Variants in CACNB2 observed in about 807,000 individuals in gnomAD.
The protein encoded by CACNB2 is calcium voltage-gated channel auxiliary subunit beta 2.
In CACNB2, 42 loss-of-function variants were observed where a neutral mutation model predicts 73.3. The observed-to-expected ratio is 0.57, with a 90% CI of 0.45 to 0.74. CACNB2 has a LOEUF of 0.74. CACNB2 is among the 30% of genes least tolerant of loss of function. The pLI, the probability that CACNB2 is intolerant of heterozygous loss-of-function variation, is 0.00. For synonymous variants in CACNB2, 348 were observed against 310.3 expected (o/e 1.12, Z -1.28); for missense variants, 940 against 853.0 (o/e 1.10, Z -1.27).
At chr10:18,489,700 G>A (rs16917390) in intron 3 of CACNB2, among the ~76,000 whole-genome samples, 6,305 of 152,240 alleles carry the variant, frequency 0.041, 423 homozygotes, top group African/African-American at 0.14. Context: ...CCGACATTCC[G>A]AAAGTGGTAG....
At chr10:18,280,960 G>T (rs1373236135) in intron 2 of CACNB2, among the ~76,000 whole-genome samples, 2 of 152,100 alleles carry the variant, frequency 1.3e-5, no homozygotes, top group Non-Finnish European at 2.9e-5. Flanking sequence ...CAAGGTAGGG[G>T]ATCACTAACG....
chr10:18,190,925 G>A (rs1030914836), intron 2 of CACNB2, among the ~76,000 whole-genome samples: 2 of 152,226 alleles, frequency 1.3e-5, no homozygotes, highest in Non-Finnish European at 2.9e-5. Flanking sequence ...AACTAGAAAA[G>A]GGTTTTAAGC....
intron 2 of CACNB2, chr10:18,260,586 C>T (rs535920070): frequency 1.0e-6 from 1 of 986,044 alleles, no homozygotes; most frequent in Non-Finnish European, 1.2e-6. Context: ...TTTCTGTAGT[C>T]CTAGGAATCC....
intron 2 of CACNB2, among the ~76,000 whole-genome samples, chr10:18,302,808 CT>C (rs757346852): frequency 5.9e-5 from 9 of 152,130 alleles, no homozygotes; most frequent in Non-Finnish European, 7.3e-5. Flanking sequence ...ACTAAAGAAA[CT>C]TACTCATGTA....
chr10:18,268,375 G>A (rs1264011508), intron 2 of CACNB2, among the ~76,000 whole-genome samples: 1 of 152,176 alleles, frequency 6.6e-6, no homozygotes, highest in East Asian at 1.9e-4. Flanking sequence ...GACATAACAG[G>A]ATTATCTGAC....
intron 3 of CACNB2, among the ~76,000 whole-genome samples, chr10:18,473,664 C>T (rs1044051427): frequency 3.3e-5 from 5 of 152,196 alleles, no homozygotes; most frequent in African/African-American, 9.6e-5. Context: ...AAATGCGTGC[C>T]TTCTCTTATC....
At chr10:18,219,445 T>C (rs2035640442) in intron 2 of CACNB2, among the ~76,000 whole-genome samples, 1 of 152,306 alleles carries the variant, frequency 6.6e-6, no homozygotes, top group African/African-American at 2.4e-5. Flanking sequence ...AGACTAAATA[T>C]TGTTAATTTT....
chr10:18,177,075 G>A (rs895049864), intron 2 of CACNB2, among the ~76,000 whole-genome samples: 1 of 152,042 alleles, frequency 6.6e-6, no homozygotes, highest in Non-Finnish European at 1.5e-5. Flanking sequence ...CTAAGGCTGG[G>A]GTTTAGGTTG....
At chr10:18,336,542 C>G (rs2132045552) in intron 2 of CACNB2, among the ~76,000 whole-genome samples, 1 of 152,108 alleles carries the variant, frequency 6.6e-6, no homozygotes, top group East Asian at 1.9e-4. Context: ...TTGCTTGAAC[C>G]TGGGAGGCGG....
chr10:18,351,400 CTACG>C (rs766679714), intron 2 of CACNB2, among the ~76,000 whole-genome samples: 10 of 152,178 alleles, frequency 6.6e-5, no homozygotes, highest in Non-Finnish European at 1.3e-4. Flanking sequence ...CTGCAATATA[CTACG>C]TATTCAGTGA....
intron 2 of CACNB2, among the ~76,000 whole-genome samples, chr10:18,157,158 A>C (rs1393045049): frequency 6.6e-6 from 1 of 152,194 alleles, no homozygotes; most frequent in Non-Finnish European, 1.5e-5. Flanking sequence ...GGTGCAATAC[A>C]TGATCACTTA....
chr10:18,357,868 C>T (rs576146685), intron 2 of CACNB2, among the ~76,000 whole-genome samples: 1 of 152,216 alleles, frequency 6.6e-6, no homozygotes, highest in Admixed American at 6.5e-5. Flanking sequence ...CCAGCAGTAC[C>T]TTTCTGGAAC....
intron 2 of CACNB2, among the ~76,000 whole-genome samples, chr10:18,164,640 C>T (rs984259198): frequency 3.3e-5 from 5 of 151,828 alleles, no homozygotes; most frequent in African/African-American, 9.7e-5. Context: ...ATAAGGCAAA[C>T]GAGATAAACT....
intron 2 of CACNB2, among the ~76,000 whole-genome samples, chr10:18,286,532 A>AAAAAAAAAAAAAAAAAAAAG (rs2038810552): frequency 8.2e-6 from 1 of 122,196 alleles, no homozygotes; most frequent in Non-Finnish European, 1.6e-5. Flanking sequence ...AAAAAAAAAA[A>AAAAAAAAAAAAAAAAAAAAG]AAAAAAAAAA....
chr10:18,465,976 C>T (rs139283705), intron 3 of CACNB2, among the ~76,000 whole-genome samples: 7 of 152,254 alleles, frequency 4.6e-5, no homozygotes, highest in African/African-American at 1.2e-4. Context: ...CCACTGCGCC[C>T]GGCCCCAACT....
intron 2 of CACNB2, among the ~76,000 whole-genome samples, chr10:18,280,352 T>C (rs997248967): frequency 2.0e-5 from 3 of 152,204 alleles, no homozygotes; most frequent in Admixed American, 6.5e-5. Context: ...TAAGAATCTT[T>C]TATTTTGTAG....
intron 11 of CACNB2, among the ~76,000 whole-genome samples, chr10:18,535,299 A>C (rs2053454107): frequency 6.6e-6 from 1 of 152,118 alleles, no homozygotes; most frequent in Non-Finnish European, 1.5e-5. Flanking sequence ...GACTATACTA[A>C]ATTGTTTCTC....
Position 18,278,446 on chromosome 10 carries a change from G to A in CACNB2, c.214-123478G>A, listed in dbSNP as rs1056831081. 2.0e-5 allele frequency among the ~76,000 whole-genome samples: 3 copies of A among 152,218 alleles called. No homozygotes were observed. In the South Asian group the frequency reaches 6.2e-4, roughly 32 times the overall value. ...AGGCAATTGGATTTGAATGGAGACT[G>A]TCAGGAAGGCCACAGTCTTATGTAT... On this transcript the variant is annotated intron_variant, in intron 2 of 13. Coordinates refer to ENST00000324631, the MANE Select transcript of CACNB2 (RefSeq NM_201596.3).
chr10:18,518,901 C>A lies in CACNB2; in HGVS notation c.886-9C>A, dbSNP rs753582404. On this transcript the variant is annotated splice_polypyrimidine_tract_variant and intron_variant, in intron 8 of 13. Coordinates refer to ENST00000324631, the MANE Select transcript of CACNB2 (RefSeq NM_201596.3). Reference sequence around the variant, plus strand: ...GTCATATCTTAATTTATTGCTTGCTCAATTGCAGGTCACAGATATGATGCA... The same window carrying A: ...GTCATATCTTAATTTATTGCTTGCTAAATTGCAGGTCACAGATATGATGCA... 4 of 1,612,382 alleles carry A rather than the reference C, an allele frequency of 2.5e-6. No homozygotes were observed. The South Asian group carries it at 3.3e-5, about 13-fold the overall frequency.
Sources: allele counts gnomAD v4.1 joint callset (sites outside exome capture counted in the v4.1 genomes callset), GRCh38; gene constraint gnomAD v4.1.1; transcripts MANE v1.5; gene names NCBI Gene and HGNC (gene_info 2026-07-23, HGNC 2026-07-21).